SLC38A3: variants seen among roughly 807,000 people sequenced by gnomAD.
SLC38A3 encodes solute carrier family 38 member 3, also known as sodium-coupled neutral amino acid transporter 3.
Under a neutral mutation model 59.5 loss-of-function variants are expected in SLC38A3, and 17 were observed. That is an observed-to-expected ratio of 0.29 (90% CI 0.20 to 0.43). The LOEUF is 0.43. Among genes scored for constraint, SLC38A3 ranks in the 20% least tolerant of loss-of-function variants. SLC38A3 has a pLI of 1.00. For missense variants in SLC38A3, 454 were observed against 653.9 expected (o/e 0.69, Z 3.33); for synonymous variants, 238 against 260.3 (o/e 0.91, Z 0.82).
chr3:50,208,387 C>T (rs1236063097), intron 1 of SLC38A3, among the ~76,000 whole-genome samples: 10 of 152,034 alleles, frequency 6.6e-5, no homozygotes, highest in African/African-American at 1.9e-4. Flanking sequence ...CTCAGCCTCC[C>T]GAGTAGCTGG....
Position 50,217,959 on chromosome 3 carries a change from C to T in SLC38A3, c.898C>T (p.His300Tyr). Residue 300 changes from histidine to tyrosine, a missense_variant, in exon 11 of 16, where the codon CAC becomes TAC. This residue lies in a region of SLC38A3 where 390 missense variants were observed against 557.9 expected (regional missense o/e 0.70). Transcript: ENST00000614032. This position sits in a 1 kb window ranked among gnomAD's most constrained non-coding sequence, Gnocchi z 4.9. ...IPIMAFAFVCHPEVLPIYTEL... is the reference protein window; with the variant it reads ...IPIMAFAFVCYPEVLPIYTEL... ...CATCATGGCCTTCGCCTTCGTCTGC[C>T]ACCCCGAGGTGCTGCCCATCTATAC... The T allele has an allele frequency of 6.2e-7, 1 of 1,614,024 alleles. No individual in the cohort carries two copies. Among genetic ancestry groups the T allele is most frequent in the Non-Finnish European group, 8.5e-7 (1 of 1,179,906 alleles).
At chr3:50,211,909 C>A (rs1053791751) in intron 1 of SLC38A3, among the ~76,000 whole-genome samples, 5 of 152,118 alleles carry the variant, frequency 3.3e-5, no homozygotes, top group Non-Finnish European at 7.4e-5. Context: ...TTTTTTGAGA[C>A]CCAGCATTAT....
In SLC38A3 at chr3:50,215,517, C is replaced by G; in HGVS notation, c.374-27C>G. On this transcript the variant is annotated intron_variant, in intron 5 of 15. Transcript: ENST00000614032. The surrounding 1 kb of genome is among the most constrained non-coding windows in gnomAD (Gnocchi z 7.1). ...GCTGGTGGGTAAACTGGGACAAGCT[C>G]CTGACTTCTTGACCCTGCTCCTGCA... The G allele has an allele frequency of 6.2e-7, 1 of 1,613,618 alleles. No individual in the cohort carries two copies. The highest frequency in any genetic ancestry group is 8.5e-7 in the Non-Finnish European group (1 of 1,179,566).
In SLC38A3 at chr3:50,218,437, T is replaced by G; in HGVS notation, c.1036+67T>G. ...GGGAAGGGGCTGGTTGTGGCCATGGTGCCCTCCATACCGAGGCGTGTGGTG... is the reference window on the plus strand; with the variant it reads ...GGGAAGGGGCTGGTTGTGGCCATGGGGCCCTCCATACCGAGGCGTGTGGTG... On this transcript the variant is annotated intron_variant, in intron 12 of 15. Coordinates refer to ENST00000614032, the MANE Select transcript of SLC38A3 (RefSeq NM_006841.6). The surrounding 1 kb of genome is among the most constrained non-coding windows in gnomAD (Gnocchi z 5.8). 1 of 1,519,898 alleles carries G rather than the reference T, an allele frequency of 6.6e-7. No individual in the cohort carries two copies. Among genetic ancestry groups the G allele is most frequent in the Non-Finnish European group, 9.1e-7 (1 of 1,094,948 alleles). The allele number at this position is 1,519,898 out of a possible 1,614,324, so 94.2% of individuals were successfully genotyped here.
intron 1 of SLC38A3, among the ~76,000 whole-genome samples, chr3:50,209,419 T>C (rs1435554310): frequency 6.6e-6 from 1 of 152,094 alleles, no homozygotes. Flanking sequence ...GAGGCCAAGG[T>C]GGGTGGATCA....
chr3:50,216,273 G>A (rs913830375), intron 7 of SLC38A3, among the ~76,000 whole-genome samples: 1 of 152,254 alleles, frequency 6.6e-6, no homozygotes, highest in Non-Finnish European at 1.5e-5. Flanking sequence ...ACACAGCCAG[G>A]CCCTGCTCTT....
rs750053452 is a variant in SLC38A3, at chr3:50,219,992, G to T, written c.1410+8G>T. The stretch of plus-strand genomic sequence containing the variant: ...TCCACCCCCAAAATCCTGGTGCGAG[G>T]GGCCTGGAGGCCGGTGGGCTGGTAT... On this transcript the variant is annotated splice_region_variant and intron_variant, in intron 15 of 15. Transcript: ENST00000614032. 6.2e-7 allele frequency: 1 copy of T among 1,609,628 alleles called. No homozygotes were observed. Among genetic ancestry groups the T allele is most frequent in the African/African-American group, 1.3e-5 (1 of 74,798 alleles).
rs1010956898 is a variant in SLC38A3 at position 50,218,706 on chromosome 3, G to A, written c.1150G>A (p.Val384Ile). The A allele has an allele frequency of 2.5e-6, 4 of 1,609,452 alleles. No homozygotes were observed. Among genetic ancestry groups the A allele is most frequent in the Admixed American group, 1.7e-5 (1 of 59,968 alleles). ...AGCAGTCACGCTCACAGTGCCCATC[G>A]TTCTGTTCCCGGTGAGCTGGTGGGC... The part of the protein sequence containing the change: ...LTAVTLTVPI[V>I]LFPVRRAIQQ... The change falls in exon 13 of 16, where the codon GTT becomes ATT. Residue 384 changes from valine to isoleucine, a missense_variant. Physicochemically the swap from Val to Ile is conservative, Grantham distance 29. Transcript: ENST00000614032. The surrounding 1 kb of genome is among the most constrained non-coding windows in gnomAD (Gnocchi z 5.8).
intron 1 of SLC38A3, among the ~76,000 whole-genome samples, chr3:50,209,929 G>A (rs1200164746): frequency 2.0e-5 from 3 of 152,192 alleles, no homozygotes; most frequent in African/African-American, 7.2e-5. Flanking sequence ...CACTTGCACT[G>A]TTGTGTTGTT....
In SLC38A3 at chr3:50,218,163, A is replaced by G; in HGVS notation, c.936-107A>G. 9.5e-7 allele frequency: 1 copy of G among 1,055,626 alleles called. No homozygotes were observed. The highest frequency in any genetic ancestry group is 1.5e-6 in the Non-Finnish European group (1 of 685,252). 65.4% of individuals were successfully genotyped at this position (1,055,626 alleles called of 1,614,324 possible). On this transcript the variant is annotated intron_variant, in intron 11 of 15. Transcript: ENST00000614032. The surrounding 1 kb of genome is among the most constrained non-coding windows in gnomAD (Gnocchi z 5.8). ...TTATGAGCAAGAAGGAGACTCCCTC[A>G]GATGCTGAATGGTGAAAGTATGGTG...
chr3:50,217,367 C>G lies in SLC38A3; in HGVS notation c.631+47C>G. The G allele has an allele frequency of 6.2e-7, 1 of 1,610,872 alleles. No homozygotes were observed. The highest frequency in any genetic ancestry group is 8.5e-7 in the Non-Finnish European group (1 of 1,178,022). On this transcript the variant is annotated intron_variant, in intron 8 of 15. Transcript: ENST00000614032. The surrounding 1 kb of genome is among the most constrained non-coding windows in gnomAD (Gnocchi z 4.9). ...CCTTGGAGGGGATGTTGGAGGCATA[C>G]ACCATGGGAGGGGCCCCAGGTCTCA...
intron 1 of SLC38A3, among the ~76,000 whole-genome samples, chr3:50,209,476 G>A (rs1248840905): frequency 2.0e-5 from 3 of 152,122 alleles, no homozygotes; most frequent in African/African-American, 4.8e-5. Flanking sequence ...GTGAAACCCC[G>A]TCTCTACTAA....
In SLC38A3 at chr3:50,217,702, C is replaced by T. The variant is rs1041487534; in HGVS notation, c.717C>T (p.Pro239=). ...TCATCTACAAAAAGTTCCACGTGCC[C>T]TGCCCACTGCCCCCCAACTTCAACA... ...IAVIYKKFHV[P]CPLPPNFNNT... is the part of the protein sequence containing the mutation. Residue 239 remains proline, a synonymous_variant, in exon 10 of 16, where the codon CCC becomes CCT. Coordinates refer to ENST00000614032, the MANE Select transcript of SLC38A3 (RefSeq NM_006841.6). This position sits in a 1 kb window ranked among gnomAD's most constrained non-coding sequence, Gnocchi z 4.9. The T allele has an allele frequency of 1.9e-6, 3 of 1,613,882 alleles. No individual in the cohort carries two copies. The Admixed American group carries it at 5.0e-5, about 27-fold the overall frequency.
Position 50,215,821 on chromosome 3 carries a change from C to T in SLC38A3, c.548C>T (p.Ser183Leu), listed in dbSNP as rs1023071341. ...TTCCTGAACCTGGAGGAGAAAACCT[C>T]GTGAGCCCTGGCGTGGGGAGGGGAG... is the stretch of plus-strand genomic sequence containing the variant. Reference protein sequence around the residue: ...QTFLNLEEKTSDWYMNGNYLV... With the variant: ...QTFLNLEEKTLDWYMNGNYLV... Residue 183 changes from serine (S) to leucine (L), a missense_variant and splice_region_variant, in exon 7 of 16, where the codon TCG becomes TTG. Ser to Leu is a moderately radical substitution (Grantham distance 145, BLOSUM62 -2). This residue lies in a region of SLC38A3 where 390 missense variants were observed against 557.9 expected (regional missense o/e 0.70). Transcript: ENST00000614032. This position sits in a 1 kb window ranked among gnomAD's most constrained non-coding sequence, Gnocchi z 7.1. 5.5e-5 allele frequency: 82 copies of T among 1,499,538 alleles called. No homozygotes were observed. The highest frequency in any genetic ancestry group is 6.8e-5 in the Non-Finnish European group (76 of 1,115,964). 92.9% of individuals were successfully genotyped at this position (1,499,538 alleles called of 1,614,324 possible).
Sources: gnomAD v4.1 joint callset for allele counts (sites outside exome capture counted in the v4.1 genomes callset) on GRCh38, gnomAD v4.1.1 for gene constraint, gnomAD v4.1.1 regional missense constraint, Gnocchi (gnomAD v3.1) non-coding constraint, MANE v1.5 for transcripts, NCBI Gene and HGNC (gene_info 2026-07-23, HGNC 2026-07-21) for gene names.